WWOX: variants seen among roughly 807,000 people sequenced by gnomAD.
The protein encoded by WWOX is WW domain-containing oxidoreductase.
In WWOX, 69 loss-of-function variants were observed where a neutral mutation model predicts 46.2. That is an observed-to-expected ratio of 1.49 (90% CI 1.23 to 1.82). The LOEUF is 1.82. Among genes scored for constraint, WWOX ranks in the 40% most tolerant of loss-of-function variants. WWOX has a pLI of 0.00. For synonymous variants in WWOX, 359 were observed against 202.6 expected (o/e 1.77, Z -6.56); for missense variants, 919 against 542.6 (o/e 1.69, Z -6.89).
intron 5 of WWOX, among the ~76,000 whole-genome samples, chr16:78,335,820 G>C (rs2080876503): frequency 6.6e-6 from 1 of 152,174 alleles, no homozygotes; most frequent in Admixed American, 6.5e-5. Flanking sequence ...AGCTGAGCAT[G>C]ATGACTCACA....
At chr16:78,989,298 C>G (rs2046838846) in intron 8 of WWOX, among the ~76,000 whole-genome samples, 1 of 152,102 alleles carries the variant, frequency 6.6e-6, no homozygotes, top group South Asian at 2.1e-4. Context: ...TTGATTAGTT[C>G]AATATCAAGA....
chr16:78,799,775 G>A (rs1158832080), intron 8 of WWOX, among the ~76,000 whole-genome samples: 4 of 152,210 alleles, frequency 2.6e-5, no homozygotes, highest in Non-Finnish European at 5.9e-5. Flanking sequence ...GCCATTGGGA[G>A]AACAAATTTA....
intron 8 of WWOX, among the ~76,000 whole-genome samples, chr16:78,575,870 A>G (rs969630309): frequency 1.3e-5 from 2 of 151,998 alleles, no homozygotes. Flanking sequence ...ACATGTAAAA[A>G]AATCAATTTT....
intron 8 of WWOX, among the ~76,000 whole-genome samples, chr16:78,826,340 C>G (rs1017480494): frequency 6.6e-6 from 1 of 152,200 alleles, no homozygotes; most frequent in African/African-American, 2.4e-5. Flanking sequence ...GAGTAAAACT[C>G]AGTCTCAAAA....
At chr16:78,994,148 C>T (rs1326975389) in intron 8 of WWOX, among the ~76,000 whole-genome samples, 1 of 152,248 alleles carries the variant, frequency 6.6e-6, no homozygotes, top group East Asian at 1.9e-4. Context: ...GGAAATTAAT[C>T]AAAACCCCCT....
intron 5 of WWOX, among the ~76,000 whole-genome samples, chr16:78,312,333 AAC>A (rs1442490053): frequency 6.6e-6 from 1 of 151,266 alleles, no homozygotes; most frequent in East Asian, 1.9e-4. Flanking sequence ...CAAGTAAGGA[AAC>A]ACTTATATTG....
At chr16:78,389,021 CCA>C (rs1189667747) in intron 6 of WWOX, among the ~76,000 whole-genome samples, 2 of 152,008 alleles carry the variant, frequency 1.3e-5, no homozygotes, top group Non-Finnish European at 2.9e-5. Context: ...TGTCAGTGTC[CCA>C]AGTCACTGAG....
intron 8 of WWOX, among the ~76,000 whole-genome samples, chr16:79,132,427 C>T (rs1316136541): frequency 6.6e-6 from 1 of 152,084 alleles, no homozygotes; most frequent in Non-Finnish European, 1.5e-5. Flanking sequence ...AAAGCCACAG[C>T]CAGTGTTACA....
intron 8 of WWOX, among the ~76,000 whole-genome samples, chr16:79,183,066 C>T (rs1321936211): frequency 6.6e-6 from 1 of 152,194 alleles, no homozygotes; most frequent in African/African-American, 2.4e-5. Flanking sequence ...TTGGGGTGCT[C>T]TTCTCTGGCA....
At chr16:78,425,728 C>T (rs1567565923) in intron 7 of WWOX, among the ~76,000 whole-genome samples, 1 of 152,072 alleles carries the variant, frequency 6.6e-6, no homozygotes, top group Admixed American at 6.6e-5. Context: ...TCTGAAAAGA[C>T]AAAGGCCTTG....
intron 8 of WWOX, among the ~76,000 whole-genome samples, chr16:78,501,923 T>A (rs559230914): frequency 7.2e-5 from 11 of 152,122 alleles, no homozygotes; most frequent in Admixed American, 1.3e-4. Context: ...ACCACTGTGG[T>A]CCCACCTGCC....
chr16:78,757,115 C>G (rs1035607098), intron 8 of WWOX: 57 of 679,572 alleles, frequency 8.4e-5, no homozygotes, highest in Admixed American at 4.9e-4. Context: ...ATTTGAGCCC[C>G]TATCTAGAAC....
intron 5 of WWOX, among the ~76,000 whole-genome samples, chr16:78,330,224 A>G (rs1047996699): frequency 5.3e-5 from 8 of 152,198 alleles, no homozygotes; most frequent in African/African-American, 1.4e-4. Context: ...ATAAAAACCA[A>G]TAACTATAAA....
intron 4 of WWOX, among the ~76,000 whole-genome samples, chr16:78,144,825 G>A (rs537384152): frequency 8.3e-4 from 126 of 151,826 alleles, no homozygotes; most frequent in Middle Eastern, 3.4e-3. Flanking sequence ...CTGGCCTGCC[G>A]TTACTTTTAA....
chr16:78,777,919 C>T (rs945544131), intron 8 of WWOX, among the ~76,000 whole-genome samples: 1 of 151,864 alleles, frequency 6.6e-6, no homozygotes, highest in African/African-American at 2.4e-5. Context: ...GTGGCACATA[C>T]CTGTAGTTCC....
intron 8 of WWOX, among the ~76,000 whole-genome samples, chr16:78,574,865 C>G (rs907545160): frequency 1.3e-5 from 2 of 148,892 alleles, no homozygotes; most frequent in Non-Finnish European, 3.0e-5. Context: ...TAAACCAGTT[C>G]TGGAGATCTA....
chr16:78,798,551 G>C (rs988751281), intron 8 of WWOX, among the ~76,000 whole-genome samples: 1 of 149,390 alleles, frequency 6.7e-6, no homozygotes, highest in South Asian at 2.1e-4. Context: ...GCTTAGCTAT[G>C]CAATATATTC....
At chr16:78,729,534 G>A (rs1273245634) in intron 8 of WWOX, among the ~76,000 whole-genome samples, 1 of 151,972 alleles carries the variant, frequency 6.6e-6, no homozygotes, top group African/African-American at 2.4e-5. Flanking sequence ...AAGGCAGAGG[G>A]TGAAGTTGTG....
chr16:78,479,337 C>T (rs544874344), intron 8 of WWOX, among the ~76,000 whole-genome samples: 1 of 152,264 alleles, frequency 6.6e-6, no homozygotes, highest in East Asian at 1.9e-4. Context: ...AAAACATATG[C>T]AAATAATTTT....
Sources: gnomAD v4.1 joint callset for allele counts (sites outside exome capture counted in the v4.1 genomes callset) on GRCh38, gnomAD v4.1.1 for gene constraint, MANE v1.5 for transcripts, NCBI Gene and HGNC (gene_info 2026-07-23, HGNC 2026-07-21) for gene names.